The following PPP1R12C variants were observed in gnomAD, a reference collection of about 807,000 sequenced individuals.
The protein encoded by PPP1R12C is leukocyte receptor cluster (LRC) encoded novel gene 3.
A neutral mutation model predicts 95.6 loss-of-function variants in PPP1R12C; 48 were observed. The ratio of observed to expected loss-of-function variants is 0.50; its 90% CI spans 0.40 to 0.64. The LOEUF is 0.64. PPP1R12C is among the 30% of genes least tolerant of loss of function. The pLI is 0.00. For missense variants in PPP1R12C, 1,057 were observed against 1,083.3 expected (o/e 0.98, Z 0.34); for synonymous variants, 480 against 460.8 (o/e 1.04, Z -0.53).
chr19:55,091,569 G>A lies in PPP1R12C; in HGVS notation c.2263-11C>T. Reference sequence around the variant, plus strand: ...GAGGTCAGACAGGGCCTGGGGGACGGCAAGGGTCAGCTGGGCAGCCCTGGC... The same window carrying A: ...GAGGTCAGACAGGGCCTGGGGGACGACAAGGGTCAGCTGGGCAGCCCTGGC... On this transcript the variant is annotated splice_polypyrimidine_tract_variant and intron_variant, in intron 21 of 21. Transcript: ENST00000263433. The A allele has an allele frequency of 1.2e-6, 2 of 1,612,880 alleles. No individual in the cohort carries two copies. The highest frequency in any genetic ancestry group is 1.7e-4 in the Middle Eastern group (1 of 6,056).
chr19:55,107,504 A>G (rs1238035493), intron 3 of PPP1R12C, among the ~76,000 whole-genome samples: 1 of 152,164 alleles, frequency 6.6e-6, no homozygotes, highest in African/African-American at 2.4e-5. Flanking sequence ...CATATACACC[A>G]TGGAATACTA....
chr19:55,116,423 G>C (rs1037016185), intron 1 of PPP1R12C, among the ~76,000 whole-genome samples: 5 of 152,132 alleles, frequency 3.3e-5, no homozygotes, highest in Admixed American at 6.5e-5. Context: ...ACACAGCAGA[G>C]AGCAAGGGGA....
At chr19:55,095,258 C>T in intron 11 of PPP1R12C, 33 bp downstream of exon 11, 3 of 1,546,640 alleles carry the variant, frequency 1.9e-6, no homozygotes. Flanking sequence ...ATCTGCCACC[C>T]ACCCCTGAGG....
chr19:55,094,864 G>A, intron 11 of PPP1R12C, 66 bp from the exon 12 acceptor site: 2 of 1,511,006 alleles, frequency 1.3e-6, no homozygotes, highest in Non-Finnish European at 1.8e-6. Flanking sequence ...TGGAGATGCA[G>A]CCGTGAGTGA....
chr19:55,111,889 G>A (rs1237198662), intron 3 of PPP1R12C: 1 of 152,146 alleles, frequency 6.6e-6, no homozygotes, highest in African/African-American at 2.4e-5. Context: ...GCAAGCCCAG[G>A]ACTTTAGAAG....
intron 8 of PPP1R12C, 49 bp downstream of exon 8, chr19:55,096,002 C>T (rs2084907564): frequency 6.2e-7 from 1 of 1,607,216 alleles, no homozygotes; most frequent in Non-Finnish European, 8.5e-7. Flanking sequence ...ATTCAGAGAA[C>T]CCGACCCCTC....
In PPP1R12C at chr19:55,094,431, A is replaced by G; in HGVS notation, c.1597T>C (p.Tyr533His). The change falls in exon 13 of 22, where the codon TAC (tyrosine) becomes CAC (histidine). Residue 533 changes from tyrosine to histidine, a missense_variant. Coordinates refer to ENST00000263433, the MANE Select transcript of PPP1R12C (RefSeq NM_017607.4). The part of the protein sequence containing the change: ...PADSRDRRRS[Y>H]QMPVRDEESE... ...TCCTCATCCCGCACAGGCATCTGGTAGGACCTGAGGGAAGGGTCCCAACCT... is the reference window on the plus strand; with the variant it reads ...TCCTCATCCCGCACAGGCATCTGGTGGGACCTGAGGGAAGGGTCCCAACCT... 5.6e-6 allele frequency: 9 copies of G among 1,613,694 alleles called. No homozygotes were observed. Among genetic ancestry groups the G allele is most frequent in the Non-Finnish European group, 7.6e-6 (9 of 1,180,002 alleles).
At chr19:55,113,455 T>C in intron 1 of PPP1R12C, 1 of 1,486,632 alleles carries the variant, frequency 6.7e-7, no homozygotes, top group Admixed American at 2.3e-5. Flanking sequence ...CACGGGGCCC[T>C]GCAGCCAGGG....
intron 3 of PPP1R12C, among the ~76,000 whole-genome samples, chr19:55,107,748 C>T (rs375514507): frequency 2.0e-5 from 3 of 151,128 alleles, no homozygotes; most frequent in East Asian, 2.0e-4. Flanking sequence ...ATGTAAATGA[C>T]GAGTTAATGG....
intron 3 of PPP1R12C, among the ~76,000 whole-genome samples, chr19:55,110,660 G>A (rs1200897193): frequency 6.6e-6 from 1 of 152,132 alleles, no homozygotes; most frequent in Non-Finnish European, 1.5e-5. Context: ...ATCGCCTGAG[G>A]TCAGGAGTTG....
Position 55,103,551 on chromosome 19 carries a change from C to A in PPP1R12C, c.589G>T (p.Ala197Ser). 6.3e-7 allele frequency: 1 copy of A among 1,590,700 alleles called. No individual in the cohort carries two copies. Among genetic ancestry groups the A allele is most frequent in the Non-Finnish European group, 8.6e-7 (1 of 1,163,828 alleles). ...AGCAATTCCTCTTCTGCCCGCTTGG[C>A]TGCTTCCACATCCACACCTAGGAGG... is the stretch of plus-strand genomic sequence containing the variant. ...IARRGVDVEA[A>S]KRAEEELLLH... is the part of the protein sequence containing the mutation. The change falls in exon 4 of 22, where the codon GCC becomes TCC. Residue 197 changes from alanine to serine, a missense_variant. Ala to Ser is a moderately conservative substitution (Grantham distance 99). Around this residue, in one of 5 missense-constraint regions of PPP1R12C, gnomAD observed 282 missense variants for 380.4 expected, o/e 0.74. Transcript: ENST00000263433.
chr19:55,099,148 G>A, intron 4 of PPP1R12C, 53 bp from the exon 5 acceptor site: 1 of 1,456,818 alleles, frequency 6.9e-7, no homozygotes, highest in South Asian at 1.4e-5. Context: ...CCTTGGCCGA[G>A]GGCTGATTTC....
At chr19:55,110,556 C>T (rs2085084567) in intron 3 of PPP1R12C, among the ~76,000 whole-genome samples, 1 of 152,274 alleles carries the variant, frequency 6.6e-6, no homozygotes, top group African/African-American at 2.4e-5. Flanking sequence ...ACCTGCTGTG[C>T]ATCAGGCGAA....
rs1203408667 is a variant in PPP1R12C at position 55,109,058 on chromosome 19, C to T, written c.571+3409G>A. On this transcript the variant is annotated intron_variant, in intron 3 of 21. Transcript: ENST00000263433. This position sits in a 1 kb window ranked among gnomAD's most constrained non-coding sequence, Gnocchi z 4.4. Reference sequence around the variant, plus strand: ...ATTCGATGATGGGCACTAGGTTGCTCCTACCTCTGGGCTATTGTGAACGAT... The same window carrying T: ...ATTCGATGATGGGCACTAGGTTGCTTCTACCTCTGGGCTATTGTGAACGAT... 1.3e-5 allele frequency among the ~76,000 whole-genome samples: 2 copies of T among 152,174 alleles called. No individual in the cohort carries two copies. The highest frequency in any genetic ancestry group is 2.1e-4 in the South Asian group (1 of 4,830).
intron 3 of PPP1R12C, among the ~76,000 whole-genome samples, chr19:55,107,935 C>CT (rs34454787): frequency 0.27 from 36,332 of 134,572 alleles, 5,242 homozygotes; most frequent in East Asian, 0.4. Flanking sequence ...AATTTACCAT[C>CT]TTTTTTTTTT....
Position 55,095,848 on chromosome 19 carries a change from T to C in PPP1R12C, c.1227+19A>G, listed in dbSNP as rs374141172. 5.1e-5 allele frequency: 82 copies of C among 1,612,348 alleles called. No homozygotes were observed. Among genetic ancestry groups the C allele is most frequent in the Admixed American group, 6.7e-5 (4 of 59,962 alleles). ...CGGGCCCTCCCAGCCTCACAGGACCTCTCAGGGCATCCACTCACCACGGGA... is the reference window on the plus strand; with the variant it reads ...CGGGCCCTCCCAGCCTCACAGGACCCCTCAGGGCATCCACTCACCACGGGA... On this transcript the variant is annotated intron_variant, in intron 9 of 21. Transcript: ENST00000263433.
rs1009958551 is a variant in PPP1R12C at position 55,112,869 on chromosome 19, A to T, written c.322-74T>A. 1.9e-6 allele frequency: 3 copies of T among 1,586,452 alleles called. No homozygotes were observed. The East Asian group carries it at 6.7e-5, about 36-fold the overall frequency. On this transcript the variant is annotated intron_variant, in intron 1 of 21. Transcript: ENST00000263433. Reference sequence around the variant, plus strand: ...CCCAGCAAGTCGGGACTCCAGAGGGAGCCACGAAAACAGATCCAGGGACAC... The same window carrying T: ...CCCAGCAAGTCGGGACTCCAGAGGGTGCCACGAAAACAGATCCAGGGACAC...
intron 4 of PPP1R12C, among the ~76,000 whole-genome samples, chr19:55,099,508 G>C (rs1321316855): frequency 6.6e-6 from 1 of 152,228 alleles, no homozygotes; most frequent in Non-Finnish European, 1.5e-5. Context: ...AGTGCTCTAG[G>C]ACCCGGGCTG....
At chr19:55,091,975 G>A (rs2084847346) in intron 19 of PPP1R12C, 66 bp from the exon 20 acceptor site, 3 of 1,581,974 alleles carry the variant, frequency 1.9e-6, no homozygotes, top group East Asian at 2.2e-5. Context: ...AGGGTCCTAG[G>A]CTCCTGCTGG....
Sources: gnomAD v4.1 joint callset for allele counts (sites outside exome capture counted in the v4.1 genomes callset) on GRCh38, gnomAD v4.1.1 for gene constraint, gnomAD v4.1.1 regional missense constraint, Gnocchi (gnomAD v3.1) non-coding constraint, MANE v1.5 for transcripts, NCBI Gene and HGNC (gene_info 2026-07-23, HGNC 2026-07-21) for gene names.